Variants in DTD1 observed in about 807,000 individuals in gnomAD.
DTD1 encodes the protein D-aminoacyl-tRNA deacylase 1.
DTD1 carries 13 observed loss-of-function variants against 25.6 expected under a neutral mutation model. That is an observed-to-expected ratio of 0.51 (90% CI 0.33 to 0.81). The LOEUF (loss-of-function observed/expected upper bound fraction) is 0.81. Among genes scored for constraint, DTD1 ranks in the 30% least tolerant of loss-of-function variants. The pLI, the probability that DTD1 is intolerant of heterozygous loss-of-function variation, is 0.02. For missense variants in DTD1, 193 were observed against 266.4 expected, an observed-to-expected ratio of 0.72 and a Z score of 1.92; for synonymous variants, 110 against 103.6, an observed-to-expected ratio of 1.06 and a Z score of -0.37.
chr20:18,627,219 T>G (rs1168219698), intron 3 of DTD1, among the ~76,000 whole-genome samples: 1 of 110,132 alleles, frequency 9.1e-6, no homozygotes, highest in African/African-American at 3.1e-5. Context: ...CCCATTTTGC[T>G]GAGTCCTTCT....
chr20:18,652,404 T>G (rs77938550), intron 4 of DTD1, among the ~76,000 whole-genome samples: 1 of 152,276 alleles, frequency 6.6e-6, no homozygotes, highest in Non-Finnish European at 1.5e-5. Context: ...GTCACAATCT[T>G]GGACAACATT....
intron 4 of DTD1, among the ~76,000 whole-genome samples, chr20:18,664,285 G>T (rs1471970393): frequency 6.6e-6 from 1 of 152,076 alleles, no homozygotes; most frequent in Non-Finnish European, 1.5e-5. Context: ...TTTTTACTGT[G>T]CATTCTTATT....
intron 5 of DTD1, among the ~76,000 whole-genome samples, chr20:18,748,940 G>GT (rs1333531060): frequency 6.6e-6 from 1 of 152,150 alleles, no homozygotes; most frequent in African/African-American, 2.4e-5. Context: ...AGGCAGTTGT[G>GT]TTTTTCCTTC....
chr20:18,753,600 T>G (rs1266608729), intron 5 of DTD1, among the ~76,000 whole-genome samples: 1 of 3,814 alleles, frequency 2.6e-4, no homozygotes, highest in Non-Finnish European at 1.2e-3. Flanking sequence ...GAAGCGAAAC[T>G]CTGTCTCAAA....
At chr20:18,726,815 C>G (rs920536746) in intron 4 of DTD1, among the ~76,000 whole-genome samples, 2 of 152,214 alleles carry the variant, frequency 1.3e-5, no homozygotes, top group African/African-American at 2.4e-5. Context: ...TACTTTTGCT[C>G]ACAGTCCAGA....
rs950812142 is a variant in DTD1 at position 18,764,605 on chromosome 20, T to G, written c.*1265T>G. ...TCAAATGATAATAAATCAGAAAATG[T>G]GGAAAACAAAAAAGCTCAAAACACA... On this transcript the variant is annotated 3_prime_UTR_variant, in exon 6 of 6. Coordinates refer to ENST00000377452, the MANE Select transcript of DTD1 (RefSeq NM_080820.6). The G allele has an allele frequency of 2.0e-5, 3 of 152,166 alleles. No homozygotes were observed. Among genetic ancestry groups the G allele is most frequent in the Non-Finnish European group, 4.4e-5 (3 of 68,022 alleles). 9.4% of individuals were successfully genotyped at this position (152,166 alleles called of 1,614,324 possible). A position where few individuals can be genotyped will look rare whatever the true frequency, so the allele number is the denominator to read the frequency against.
chr20:18,621,393 A>G (rs2060733441), intron 3 of DTD1, among the ~76,000 whole-genome samples: 1 of 152,264 alleles, frequency 6.6e-6, no homozygotes, highest in African/African-American at 2.4e-5. Context: ...TTTCTCTGTC[A>G]AGTTACTGTT....
intron 4 of DTD1, among the ~76,000 whole-genome samples, chr20:18,664,042 G>C (rs2060921907): frequency 6.6e-6 from 1 of 152,160 alleles, no homozygotes; most frequent in African/African-American, 2.4e-5. Context: ...AGGAGCAATA[G>C]GCTACACCAC....
At chr20:18,665,165 G>A (rs2060926962) in intron 4 of DTD1, among the ~76,000 whole-genome samples, 1 of 152,196 alleles carries the variant, frequency 6.6e-6, no homozygotes, top group Non-Finnish European at 1.5e-5. Context: ...TTTATCAGTA[G>A]TGTGGGCCAT....
At chr20:18,679,238 C>T (rs1392041318) in intron 4 of DTD1, among the ~76,000 whole-genome samples, 3 of 152,182 alleles carry the variant, frequency 2.0e-5, no homozygotes, top group Admixed American at 2.0e-4. Flanking sequence ...GAATAATACT[C>T]GTGGTTAGTG....
intron 4 of DTD1, among the ~76,000 whole-genome samples, chr20:18,732,289 G>C (rs906283186): frequency 3.9e-5 from 6 of 152,154 alleles, no homozygotes; most frequent in Non-Finnish European, 8.8e-5. Flanking sequence ...TACCAATTAT[G>C]CATTGGAATA....
intron 3 of DTD1, among the ~76,000 whole-genome samples, chr20:18,627,193 GCTGT>G (rs1293537097): frequency 6.7e-6 from 1 of 149,818 alleles, no homozygotes; most frequent in Non-Finnish European, 1.5e-5. Context: ...GCCAAAGAAA[GCTGT>G]CTGTTGGCAT....
intron 3 of DTD1, among the ~76,000 whole-genome samples, chr20:18,625,778 G>A (rs2060755069): frequency 6.6e-6 from 1 of 152,236 alleles, no homozygotes. Context: ...CAGATTGAAA[G>A]TAGAATGAAG....
intron 4 of DTD1, among the ~76,000 whole-genome samples, chr20:18,740,319 TG>T (rs1206152359): frequency 5.9e-5 from 9 of 152,082 alleles, no homozygotes; most frequent in African/African-American, 2.2e-4. Context: ...GTTTTTTTTT[TG>T]TTTTGTTTTG....
intron 4 of DTD1, among the ~76,000 whole-genome samples, chr20:18,692,296 G>A (rs2061050581): frequency 1.3e-5 from 2 of 152,176 alleles, no homozygotes. Flanking sequence ...TGTAAGTGAT[G>A]GAGGTAATGA....
intron 4 of DTD1, among the ~76,000 whole-genome samples, chr20:18,676,563 T>C (rs965468282): frequency 9.2e-5 from 14 of 152,128 alleles, no homozygotes; most frequent in African/African-American, 3.4e-4. Context: ...GCCAATAAAT[T>C]GGAAAATTGA....
intron 4 of DTD1, among the ~76,000 whole-genome samples, chr20:18,705,692 G>A (rs2122466789): frequency 6.6e-6 from 1 of 152,306 alleles, no homozygotes; most frequent in South Asian, 2.1e-4. Context: ...CGTCTTGGTG[G>A]TCAGGCTGCA....
intron 3 of DTD1, among the ~76,000 whole-genome samples, chr20:18,626,097 C>T (rs2060756503): frequency 6.6e-6 from 1 of 152,174 alleles, no homozygotes; most frequent in African/African-American, 2.4e-5. Context: ...GCATATACTA[C>T]CATGGACAGT....
chr20:18,654,249 T>C lies in DTD1; in HGVS notation c.477+26016T>C, dbSNP rs1414465599. ...CTGTTCTCATGATAGTGAACAAGTCTTAGGAGATCTGATGGTTTTATAAAG... is the reference window on the plus strand; with the variant it reads ...CTGTTCTCATGATAGTGAACAAGTCCTAGGAGATCTGATGGTTTTATAAAG... On this transcript the variant is annotated intron_variant, in intron 4 of 5. Coordinates refer to ENST00000377452, the MANE Select transcript of DTD1 (RefSeq NM_080820.6). Among the ~76,000 whole-genome samples, 3 of 152,214 alleles carry C rather than the reference T, an allele frequency of 2.0e-5. No homozygotes were observed. In the East Asian group the frequency reaches 5.8e-4, roughly 29 times the overall value.
Sources: allele counts gnomAD v4.1 joint callset (sites outside exome capture counted in the v4.1 genomes callset), GRCh38; gene constraint gnomAD v4.1.1; transcripts MANE v1.5; gene names NCBI Gene and HGNC (gene_info 2026-07-23, HGNC 2026-07-21).